Variants in ATP8A2 observed in about 807,000 individuals in gnomAD.
ATP8A2 encodes the protein phospholipid-transporting ATPase IB.
ATP8A2 carries 100 observed loss-of-function variants against 165.6 expected under a neutral mutation model. That is an observed-to-expected ratio of 0.60 (90% CI 0.51 to 0.71). ATP8A2 has a LOEUF of 0.71. Among genes scored for constraint, ATP8A2 ranks in the 30% least tolerant of loss-of-function variants. The pLI is 0.00. For synonymous variants in ATP8A2, 543 were observed against 548.8 expected, an observed-to-expected ratio of 0.99 and a Z score of 0.15; for missense variants, 1,227 against 1,479.5, an observed-to-expected ratio of 0.83 and a Z score of 2.80.
At chr13:25,923,502 A>T (rs1954519223) in intron 33 of ATP8A2, among the ~76,000 whole-genome samples, 1 of 152,134 alleles carries the variant, frequency 6.6e-6, no homozygotes, top group Non-Finnish European at 1.5e-5. Context: ...ATTAATATTG[A>T]TGTCCAGCAG....
intron 33 of ATP8A2, among the ~76,000 whole-genome samples, chr13:25,896,210 C>G (rs1457466487): frequency 6.6e-6 from 1 of 152,154 alleles, no homozygotes; most frequent in Non-Finnish European, 1.5e-5. Context: ...TTGAATGTGT[C>G]CCAGAGATTC....
At position 25,983,820 on chromosome 13, in the gene ATP8A2, A is replaced by T. The variant is rs117570712; in HGVS notation, c.3377+15141A>T. Among the ~76,000 whole-genome samples the T allele has an allele frequency of 6.5e-3, 986 of 152,318 alleles. 5 individuals carry two copies. Among genetic ancestry groups the T allele is most frequent in the Middle Eastern group, 0.027 (8 of 294 alleles). ...TGACAAATAGTAGACAGAGAATGGGAACACAATGTGAAAAACATTTTAATA... is the reference window on the plus strand; with the variant it reads ...TGACAAATAGTAGACAGAGAATGGGTACACAATGTGAAAAACATTTTAATA... On this transcript the variant is annotated intron_variant, in intron 35 of 36. Coordinates refer to ENST00000381655, the MANE Select transcript of ATP8A2 (RefSeq NM_016529.6).
intron 2 of ATP8A2, among the ~76,000 whole-genome samples, chr13:25,495,298 A>G (rs934396895): frequency 6.6e-6 from 1 of 152,146 alleles, no homozygotes; most frequent in African/African-American, 2.4e-5. Context: ...AATGAGTCCA[A>G]GAAGCAGCAG....
At chr13:25,961,766 G>A (rs1481549214) in intron 34 of ATP8A2, 103 bp downstream of exon 34, 11 of 876,408 alleles carry the variant, frequency 1.3e-5, no homozygotes, top group Admixed American at 7.1e-5. Flanking sequence ...ACAGGAATTC[G>A]GAAGAAATGG....
chr13:25,752,152 A>G (rs1016091411), intron 25 of ATP8A2, among the ~76,000 whole-genome samples: 3 of 151,936 alleles, frequency 2.0e-5, no homozygotes, highest in South Asian at 2.1e-4. Flanking sequence ...CAGCTTGGCT[A>G]TTTATCCTAA....
At chr13:25,710,738 AAC>A (rs2043142488) in intron 25 of ATP8A2, among the ~76,000 whole-genome samples, 1 of 151,688 alleles carries the variant, frequency 6.6e-6, no homozygotes, top group African/African-American at 2.4e-5. Flanking sequence ...GACAAATGGT[AAC>A]ACAGTCACAG....
chr13:25,920,504 C>T (rs971879595), intron 33 of ATP8A2, among the ~76,000 whole-genome samples: 2 of 152,192 alleles, frequency 1.3e-5, no homozygotes, highest in Non-Finnish European at 1.5e-5. Context: ...TAGTAAATGG[C>T]TCCACCATCC....
At chr13:25,893,931 A>G (rs1487370331) in intron 33 of ATP8A2, among the ~76,000 whole-genome samples, 2 of 151,852 alleles carry the variant, frequency 1.3e-5, no homozygotes, top group Non-Finnish European at 2.9e-5. Flanking sequence ...GTTTGAGTTC[A>G]TTGTAGATTC....
chr13:25,470,921 G>C (rs2035825390), intron 2 of ATP8A2, among the ~76,000 whole-genome samples: 1 of 152,116 alleles, frequency 6.6e-6, no homozygotes, highest in Non-Finnish European at 1.5e-5. Flanking sequence ...CAAATTTATA[G>C]AGTTATGAGG....
At chr13:25,785,825 C>T (rs1209494348) in intron 27 of ATP8A2, among the ~76,000 whole-genome samples, 1 of 152,172 alleles carries the variant, frequency 6.6e-6, no homozygotes, top group Non-Finnish European at 1.5e-5. Flanking sequence ...AGAGCACCTT[C>T]TGTAGCAAAT....
chr13:25,692,019 G>C (rs983780321), intron 24 of ATP8A2, among the ~76,000 whole-genome samples: 1 of 152,126 alleles, frequency 6.6e-6, no homozygotes, highest in African/African-American at 2.4e-5. Context: ...TATGAAAGTG[G>C]CAGGGAAATG....
Position 25,413,491 on chromosome 13 carries a change from AG to A in ATP8A2, c.76+41205del, listed in dbSNP as rs546885133. The stretch of plus-strand genomic sequence containing the variant: ...GAGACGGAGTTTTGCCATGTTGGCC[AG>A]GCTGGTCTTGAACTCCTGGCCTCAG... On this transcript the variant is annotated intron_variant, in intron 1 of 36. Coordinates refer to ENST00000381655, the MANE Select transcript of ATP8A2 (RefSeq NM_016529.6). 3.3e-5 allele frequency among the ~76,000 whole-genome samples: 5 copies of A among 152,230 alleles called. No individual in the cohort carries two copies. The South Asian group carries it at 1.0e-3, about 32-fold the overall frequency.
chr13:25,392,809 C>G (rs958090703), intron 1 of ATP8A2, among the ~76,000 whole-genome samples: 1 of 151,924 alleles, frequency 6.6e-6, no homozygotes, highest in Non-Finnish European at 1.5e-5. Flanking sequence ...GGCGTGGTGG[C>G]TCATACCTGT....
At chr13:25,497,855 G>A (rs762670660) in intron 2 of ATP8A2, among the ~76,000 whole-genome samples, 4 of 151,934 alleles carry the variant, frequency 2.6e-5, no homozygotes, top group African/African-American at 9.7e-5. Flanking sequence ...CCAGCTACTC[G>A]GGGGGCTGAG....
intron 26 of ATP8A2, among the ~76,000 whole-genome samples, chr13:25,772,694 C>T (rs891880803): frequency 6.6e-6 from 1 of 151,564 alleles, no homozygotes; most frequent in Non-Finnish European, 1.5e-5. Context: ...TATTTTCAGT[C>T]TGGTCATTTC....
At chr13:25,716,434 A>G (rs1420523351) in intron 25 of ATP8A2, among the ~76,000 whole-genome samples, 3 of 152,156 alleles carry the variant, frequency 2.0e-5, no homozygotes, top group Non-Finnish European at 2.9e-5. Flanking sequence ...GTTTTCCCTT[A>G]CAAGTTTTAT....
At chr13:25,679,478 C>T (rs1337733560) in intron 24 of ATP8A2, among the ~76,000 whole-genome samples, 1 of 152,150 alleles carries the variant, frequency 6.6e-6, no homozygotes, top group Non-Finnish European at 1.5e-5. Context: ...GTTAGGTCTT[C>T]CTCAAGGTAA....
intron 25 of ATP8A2, among the ~76,000 whole-genome samples, chr13:25,754,688 T>C (rs1189274099): frequency 6.6e-6 from 1 of 152,158 alleles, no homozygotes; most frequent in Non-Finnish European, 1.5e-5. Flanking sequence ...AAATCCCATT[T>C]TTAATTTAAT....
chr13:25,422,035 C>G (rs2034315363), intron 1 of ATP8A2, among the ~76,000 whole-genome samples: 1 of 152,142 alleles, frequency 6.6e-6, no homozygotes, highest in South Asian at 2.1e-4. Flanking sequence ...TGATAAGAAA[C>G]AATGCTTGAA....
Sources: allele counts gnomAD v4.1 joint callset (sites outside exome capture counted in the v4.1 genomes callset), GRCh38; gene constraint gnomAD v4.1.1; transcripts MANE v1.5; gene names NCBI Gene and HGNC (gene_info 2026-07-23, HGNC 2026-07-21).